CRB1: variants seen among roughly 807,000 people sequenced by gnomAD.
The protein encoded by CRB1 is protein crumbs homolog 1.
CRB1 carries 83 observed loss-of-function variants against 120.0 expected under a neutral mutation model. That is an observed-to-expected ratio of 0.69 (90% CI 0.58 to 0.83). CRB1 has a LOEUF of 0.83. Ranked by LOEUF, CRB1 falls within the 40% of genes least tolerant of loss-of-function variation. CRB1 has a pLI of 0.00. For synonymous variants in CRB1, 625 were observed against 612.5 expected (o/e 1.02, Z -0.30); for missense variants, 1,699 against 1,687.6 (o/e 1.01, Z -0.12).
intron 1 of CRB1, among the ~76,000 whole-genome samples, chr1:197,326,987 C>A (rs1658529190): frequency 6.7e-6 from 1 of 149,896 alleles, no homozygotes; most frequent in Admixed American, 6.7e-5. Context: ...ATTAAGAACT[C>A]AAAACTATTT....
chr1:197,402,712 G>A (rs1460806375), intron 5 of CRB1, among the ~76,000 whole-genome samples: 1 of 152,204 alleles, frequency 6.6e-6, no homozygotes. Flanking sequence ...CACAGATGCA[G>A]TTTTAAAATT....
rs1204394209 is a variant in CRB1, at chr1:197,328,797, A to T, written c.446A>T (p.His149Leu). ...GCTGGAAGATTCTGTGAGATAGATC[A>T]CGATGAGTGTGCTTCCAGCCCTTGC... ...GYAGRFCEID[H>L]DECASSPCQN... The change falls in exon 2 of 12, where the codon CAC (histidine) becomes CTC (leucine). Residue 149 changes from histidine to leucine, a missense_variant. By Grantham distance (99) the His-to-Leu change is moderately conservative (BLOSUM62 -3). Transcript: ENST00000367400. 6.2e-7 allele frequency: 1 copy of T among 1,613,916 alleles called. No homozygotes were observed. The highest frequency in any genetic ancestry group is 8.5e-7 in the Non-Finnish European group (1 of 1,179,834).
At chr1:197,215,532 T>C in the CRB1 span, among the ~76,000 whole-genome samples, 1 of 152,112 alleles carries the variant, frequency 6.6e-6, no homozygotes, top group Non-Finnish European at 1.5e-5. Context: ...TACCTCAGCC[T>C]CCCAAAGTGC....
chr1:197,291,675 G>A (rs915658154), intron 1 of CRB1, among the ~76,000 whole-genome samples: 1 of 151,732 alleles, frequency 6.6e-6, no homozygotes, highest in African/African-American at 2.4e-5. Flanking sequence ...AGAGTCCTTA[G>A]CATGCATAGT....
At chr1:197,363,891 C>T (rs1313517262) in intron 5 of CRB1, 2 of 1,127,200 alleles carry the variant, frequency 1.8e-6, no homozygotes, top group Admixed American at 1.7e-5. Flanking sequence ...CATAGAGGAC[C>T]CTAAACAGAA....
the CRB1 span, among the ~76,000 whole-genome samples, chr1:197,229,860 TA>T: frequency 3.2e-3 from 479 of 151,664 alleles, 1 homozygote; most frequent in African/African-American, 0.011. Flanking sequence ...GGGGCAAAAA[TA>T]AAAAAAAGAC....
intron 5 of CRB1, among the ~76,000 whole-genome samples, chr1:197,365,174 T>A (rs1017148082): frequency 6.6e-6 from 1 of 152,200 alleles, no homozygotes; most frequent in Non-Finnish European, 1.5e-5. Context: ...CTACTGATGA[T>A]CCCTGAGTGG....
At chr1:197,411,350 T>C (rs1218781602) in intron 5 of CRB1, among the ~76,000 whole-genome samples, 1 of 152,192 alleles carries the variant, frequency 6.6e-6, no homozygotes, top group Non-Finnish European at 1.5e-5. Context: ...TAAGTTGAGG[T>C]AATACAGAAT....
chr1:197,407,333 A>G (rs1402930825), intron 5 of CRB1, among the ~76,000 whole-genome samples: 1 of 152,196 alleles, frequency 6.6e-6, no homozygotes, highest in East Asian at 1.9e-4. Context: ...AGTTTTAAAG[A>G]AATATTTTGG....
intron 1 of CRB1, among the ~76,000 whole-genome samples, chr1:197,307,809 A>G (rs1180346027): frequency 6.6e-6 from 1 of 152,214 alleles, no homozygotes; most frequent in Non-Finnish European, 1.5e-5. Context: ...TAACTTAACT[A>G]TATAACTTGG....
At chr1:197,298,870 A>G (rs956892540) in intron 1 of CRB1, among the ~76,000 whole-genome samples, 1 of 152,118 alleles carries the variant, frequency 6.6e-6, no homozygotes, top group African/African-American at 2.4e-5. Flanking sequence ...ATAAAAACTA[A>G]TTCCAAATAA....
At chr1:197,459,247 T>C (rs1666419307) in intron 11 of CRB1, among the ~76,000 whole-genome samples, 1 of 152,142 alleles carries the variant, frequency 6.6e-6, no homozygotes, top group African/African-American at 2.4e-5. Flanking sequence ...AATTCTGTGA[T>C]TTAGGTATAT....
At chr1:197,264,428 A>G (rs1361159217), upstream of CRB1, among the ~76,000 whole-genome samples, 1 of 152,190 alleles carries the variant, frequency 6.6e-6, no homozygotes, top group African/African-American at 2.4e-5. Flanking sequence ...GTACTGCATT[A>G]AACATATAAA....
In CRB1 at chr1:197,442,264, C is replaced by T. The variant is rs1665485356; in HGVS notation, c.3977C>T (p.Ala1326Val). 1 of 1,614,108 alleles carries T rather than the reference C, an allele frequency of 6.2e-7. No individual in the cohort carries two copies. Among genetic ancestry groups the T allele is most frequent in the Non-Finnish European group, 8.5e-7 (1 of 1,180,008 alleles). ...LNKFQCLCDV[A>V]FAGERCEVDL... Reference sequence around the variant, plus strand: ...AAATTCCAGTGCCTCTGTGATGTTGCCTTTGCTGGCGAGCGCTGCGAGGTG... The same window carrying T: ...AAATTCCAGTGCCTCTGTGATGTTGTCTTTGCTGGCGAGCGCTGCGAGGTG... The change falls in exon 11 of 12, where the codon GCC (alanine) becomes GTC (valine). Residue 1326 changes from alanine (A) to valine (V), a missense_variant. Ala to Val is a moderately conservative substitution (Grantham distance 64). Transcript: ENST00000367400.
intron 1 of CRB1, among the ~76,000 whole-genome samples, chr1:197,315,648 T>C (rs939096137): frequency 3.9e-5 from 6 of 152,216 alleles, no homozygotes; most frequent in African/African-American, 1.4e-4. Flanking sequence ...TGAAGCAAAG[T>C]AGTGTTTGCA....
chr1:197,434,970 A>G lies in CRB1; in HGVS notation c.3107A>G (p.Glu1036Gly). 1 of 1,613,958 alleles carries G rather than the reference A, an allele frequency of 6.2e-7. No homozygotes were observed. The highest frequency in any genetic ancestry group is 1.1e-5 in the South Asian group (1 of 91,092). Residue 1036 changes from glutamate to glycine, a missense_variant, in exon 9 of 12, where the codon GAA (glutamate) becomes GGA (glycine). By Grantham distance (98) the Glu-to-Gly change is moderately conservative. Transcript: ENST00000367400. ...LQSVNDGTWHEVTLSMTDPLS... is the reference protein window; with the variant it reads ...LQSVNDGTWHGVTLSMTDPLS... ...TCAGTGAATGATGGCACATGGCACGAAGTGACCCTTTCCATGACAGACCCA... is the reference window on the plus strand; with the variant it reads ...TCAGTGAATGATGGCACATGGCACGGAGTGACCCTTTCCATGACAGACCCA...
chr1:197,206,491 A>T, the CRB1 span, among the ~76,000 whole-genome samples: 1 of 152,130 alleles, frequency 6.6e-6, no homozygotes, highest in East Asian at 1.9e-4. Flanking sequence ...TTAAATTTCT[A>T]TCTTGATTTC....
chr1:197,322,393 G>A (rs529809466), intron 1 of CRB1, among the ~76,000 whole-genome samples: 11 of 151,954 alleles, frequency 7.2e-5, no homozygotes, highest in African/African-American at 2.7e-4. Flanking sequence ...AACCCAGGAG[G>A]CAGAGGTTGC....
chr1:197,274,280 A>G (rs1190301537), intron 1 of CRB1, among the ~76,000 whole-genome samples: 1 of 152,176 alleles, frequency 6.6e-6, no homozygotes, highest in African/African-American at 2.4e-5. Context: ...TTAACTGTTT[A>G]GGTACAGTAC....
Sources: gnomAD v4.1 joint callset for allele counts (sites outside exome capture counted in the v4.1 genomes callset) on GRCh38, gnomAD v4.1.1 for gene constraint, MANE v1.5 for transcripts, NCBI Gene and HGNC (gene_info 2026-07-23, HGNC 2026-07-21) for gene names.